The following BTG4 variants were observed in gnomAD, a reference collection of about 807,000 sequenced individuals.
BTG4 encodes the protein protein BTG4.
Under a neutral mutation model 19.3 loss-of-function variants are expected in BTG4, and 10 were observed. The observed-to-expected ratio is 0.52, with a 90% confidence interval of 0.32 to 0.88. The LOEUF (loss-of-function observed/expected upper bound fraction) is 0.88, where lower values mean the gene tolerates loss of function less well. Among genes scored for constraint, BTG4 ranks in the 40% least tolerant of loss-of-function variants. The probability of loss-of-function intolerance (pLI) is 0.04; values close to 1 mark genes in which losing one functional copy is unlikely to be tolerated. For synonymous variants in BTG4, 91 were observed against 95.7 expected (o/e 0.95, Z 0.29); for missense variants, 238 against 281.9 (o/e 0.84, Z 1.11).
rs369032424 is a variant in BTG4 at position 111,497,300 on chromosome 11, C to T, written c.421G>A (p.Val141Ile). ...SYAVSRASSDVSSGTSCDEES... is the reference protein window; with the variant it reads ...SYAVSRASSDISSGTSCDEES... ...TCATCGCAGGAAGTGCCAGAGGAAA[C>T]GTCTGATGAGGCTCTACTAACGGCA... Residue 141 changes from valine (V) to isoleucine (I), a missense_variant, in exon 4 of 5, where the codon GTT (valine) becomes ATT (isoleucine). Physicochemically the swap from Val to Ile is conservative, Grantham distance 29. Transcript: ENST00000692032. The T allele has an allele frequency of 4.2e-5, 67 of 1,609,324 alleles. No homozygotes were observed. Among genetic ancestry groups the T allele is most frequent in the Non-Finnish European group, 5.3e-5 (62 of 1,178,366 alleles).
At chr11:111,433,246 C>T in the BTG4 span, among the ~76,000 whole-genome samples, 1 of 152,182 alleles carries the variant, frequency 6.6e-6, no homozygotes, top group African/African-American at 2.4e-5. Flanking sequence ...AATGAAGCAA[C>T]TGTGGTGTGG....
At chr11:111,489,779 C>T (rs1591495660) in intron 5 of BTG4, among the ~76,000 whole-genome samples, 1 of 151,308 alleles carries the variant, frequency 6.6e-6, no homozygotes, top group African/African-American at 2.4e-5. Flanking sequence ...CTCATTCACA[C>T]TTGGGAGTGA....
chr11:111,497,667 C>T (rs1170892632), intron 3 of BTG4, among the ~76,000 whole-genome samples: 1 of 152,136 alleles, frequency 6.6e-6, no homozygotes, highest in Non-Finnish European at 1.5e-5. Context: ...TGGTAGATAA[C>T]TCTCCTTCCT....
At chr11:111,454,773 G>A in the BTG4 span, among the ~76,000 whole-genome samples, 1 of 151,444 alleles carries the variant, frequency 6.6e-6, no homozygotes, top group Admixed American at 6.6e-5. Context: ...TGCTGAGACT[G>A]GCTGGGACGA....
intron 1 of BTG4, 144 bp downstream of exon 1, chr11:111,512,037 C>T (rs1300820737): frequency 6.6e-6 from 1 of 152,238 alleles, no homozygotes; most frequent in East Asian, 1.9e-4. Flanking sequence ...CTTCACATCA[C>T]TGCATGGCCC....
chr11:111,392,246 C>T, the BTG4 span, among the ~76,000 whole-genome samples: 12 of 135,534 alleles, frequency 8.9e-5, no homozygotes, highest in Non-Finnish European at 1.7e-4. Context: ...GGCACGATCT[C>T]GGCTCACTGC....
chr11:111,487,917 C>T (rs551917443), intron 5 of BTG4, among the ~76,000 whole-genome samples: 17 of 151,954 alleles, frequency 1.1e-4, no homozygotes, highest in African/African-American at 3.6e-4. Flanking sequence ...GAATGATGTC[C>T]ACAATGAAAA....
chr11:111,488,092 TA>T (rs952374629), intron 5 of BTG4, among the ~76,000 whole-genome samples: 2 of 151,010 alleles, frequency 1.3e-5, no homozygotes, highest in African/African-American at 2.4e-5. Flanking sequence ...TTCACAGAAA[TA>T]AAAAAAAATT....
chr11:111,399,223 A>T, the BTG4 span: 1 of 152,324 alleles, frequency 6.6e-6, no homozygotes, highest in African/African-American at 2.4e-5. Context: ...TTCCTGTAGG[A>T]TCCCCAGCTG....
At chr11:111,438,235 T>C in the BTG4 span, among the ~76,000 whole-genome samples, 1 of 152,220 alleles carries the variant, frequency 6.6e-6, no homozygotes, top group South Asian at 2.1e-4. Context: ...TAGACCTAAC[T>C]TTGTGGGTTA....
chr11:111,404,455 A>G, the BTG4 span, among the ~76,000 whole-genome samples: 2 of 152,208 alleles, frequency 1.3e-5, no homozygotes, highest in African/African-American at 4.8e-5. Context: ...CAACCTAAGC[A>G]TCTGTGGTTA....
the BTG4 span, chr11:111,455,490 C>G: frequency 8.5e-6 from 2 of 234,688 alleles, no homozygotes; most frequent in Non-Finnish European, 1.8e-5. Flanking sequence ...GCTCCTTCGC[C>G]AAAACCTCCT....
downstream of BTG4, among the ~76,000 whole-genome samples, chr11:111,492,611 A>G (rs1865488619): frequency 6.6e-6 from 1 of 152,230 alleles, no homozygotes; most frequent in Non-Finnish European, 1.5e-5. Flanking sequence ...TGCCAACATT[A>G]AATGGGAATA....
At chr11:111,497,692 A>G (rs529854245) in intron 3 of BTG4, among the ~76,000 whole-genome samples, 2 of 152,346 alleles carry the variant, frequency 1.3e-5, no homozygotes, top group East Asian at 1.9e-4. Context: ...GATGTTGCCT[A>G]TAACACTTAT....
chr11:111,506,446 T>C (rs1866461539), intron 1 of BTG4, among the ~76,000 whole-genome samples: 1 of 151,820 alleles, frequency 6.6e-6, no homozygotes, highest in Non-Finnish European at 1.5e-5. Flanking sequence ...CATGTGGAAA[T>C]GAAAATAGAG....
the BTG4 span, among the ~76,000 whole-genome samples, chr11:111,445,366 T>C: frequency 6.6e-6 from 1 of 152,194 alleles, no homozygotes; most frequent in Non-Finnish European, 1.5e-5. Flanking sequence ...CCAGCATCTA[T>C]ACCTCCACTC....
exon 6 of BTG4, chr11:111,467,574 G>T: frequency 1.4e-6 from 1 of 700,376 alleles, no homozygotes; most frequent in South Asian, 1.6e-5. Context: ...AAATCACCCT[G>T]AAGATTTCTT....
the BTG4 span, among the ~76,000 whole-genome samples, chr11:111,411,664 A>C: frequency 6.6e-6 from 1 of 152,220 alleles, no homozygotes; most frequent in African/African-American, 2.4e-5. Context: ...TGGGTTCTGC[A>C]CTTGTAACAA....
intron 5 of BTG4, among the ~76,000 whole-genome samples, chr11:111,483,226 C>T (rs780691017): frequency 2.0e-5 from 3 of 152,148 alleles, no homozygotes; most frequent in African/African-American, 7.2e-5. Flanking sequence ...ACACTCAATC[C>T]CCTTTTAATA....
Sources: allele counts gnomAD v4.1 joint callset (sites outside exome capture counted in the v4.1 genomes callset), GRCh38; gene constraint gnomAD v4.1.1; transcripts MANE v1.5; gene names NCBI Gene and HGNC (gene_info 2026-07-23, HGNC 2026-07-21).